Variants in BACH2 observed in about 807,000 individuals in gnomAD.
BACH2 encodes the protein transcription regulator protein BACH2.
Under a neutral mutation model 61.8 loss-of-function variants are expected in BACH2, and 5 were observed. The observed-to-expected ratio is 0.08, with a 90% CI of 0.04 to 0.17. The LOEUF is 0.17. Among genes scored for constraint, BACH2 ranks in the 10% least tolerant of loss-of-function variants. BACH2 has a pLI of 1.00. For missense variants in BACH2, 824 were observed against 1,091.1 expected, an observed-to-expected ratio of 0.76 and a Z score of 3.45; for synonymous variants, 446 against 440.1, an observed-to-expected ratio of 1.01 and a Z score of -0.17.
At chr6:89,992,217 T>C (rs1410570145) in intron 6 of BACH2, among the ~76,000 whole-genome samples, 1 of 152,242 alleles carries the variant, frequency 6.6e-6, no homozygotes, top group Non-Finnish European at 1.5e-5. Context: ...TATTTATAAA[T>C]CACACATATA....
intron 8 of BACH2, among the ~76,000 whole-genome samples, chr6:89,935,364 C>CT (rs1186964872): frequency 6.6e-6 from 1 of 152,178 alleles, no homozygotes; most frequent in African/African-American, 2.4e-5. Flanking sequence ...TGCTTGGGCG[C>CT]TGGGAGAGGA....
At chr6:89,958,332 T>C (rs1774540253) in intron 6 of BACH2, among the ~76,000 whole-genome samples, 1 of 152,188 alleles carries the variant, frequency 6.6e-6, no homozygotes. Context: ...CTGTGTACTA[T>C]GCAAGGTCTG....
At chr6:90,115,288 T>A (rs1447388573) in intron 4 of BACH2, among the ~76,000 whole-genome samples, 1 of 152,140 alleles carries the variant, frequency 6.6e-6, no homozygotes, top group East Asian at 1.9e-4. Context: ...AAGGCTATAG[T>A]GACCAAAACA....
At chr6:90,173,911 A>T (rs1316284761) in intron 4 of BACH2, among the ~76,000 whole-genome samples, 1 of 152,178 alleles carries the variant, frequency 6.6e-6, no homozygotes, top group Admixed American at 6.5e-5. Flanking sequence ...TGTGTCTTTG[A>T]ATAAAGGAGG....
At chr6:90,132,607 T>C (rs1350619619) in intron 4 of BACH2, among the ~76,000 whole-genome samples, 2 of 152,174 alleles carry the variant, frequency 1.3e-5, no homozygotes, top group Non-Finnish European at 2.9e-5. Context: ...TTTGTGCAGG[T>C]TCCTCCTCCC....
At chr6:90,253,215 A>G (rs1306092699) in intron 2 of BACH2, among the ~76,000 whole-genome samples, 2 of 152,094 alleles carry the variant, frequency 1.3e-5, no homozygotes, top group Non-Finnish European at 2.9e-5. Flanking sequence ...TTGTACTCCA[A>G]CCTGGATGAC....
chr6:90,076,000 C>G (rs1295342472), intron 5 of BACH2, among the ~76,000 whole-genome samples: 1 of 151,864 alleles, frequency 6.6e-6, no homozygotes, highest in Non-Finnish European at 1.5e-5. Flanking sequence ...ACAGATAAAC[C>G]CAAAAAGGCT....
intron 5 of BACH2, among the ~76,000 whole-genome samples, chr6:90,037,407 T>C (rs1169468707): frequency 6.6e-6 from 1 of 152,238 alleles, no homozygotes; most frequent in African/African-American, 2.4e-5. Context: ...TATAAAATCA[T>C]GAAGGAGGCT....
rs750705861 is a variant in BACH2, at chr6:89,932,596, G to A, written c.2338C>T (p.Pro780Ser). The A allele has an allele frequency of 1.9e-5, 31 of 1,614,058 alleles. 1 individual carries two copies. In the South Asian group the frequency reaches 3.4e-4, roughly 18 times the overall value. ...TCGGAGGTGTTGCTGGGTGCCCAGG[G>A]GGGTCCGGGGGGAGCCGCGCCTGGC... ...LEPGAAPPGPPWAPSNTSENC... is the reference protein window; with the variant it reads ...LEPGAAPPGPSWAPSNTSENC... The change falls in exon 9 of 9, where the codon CCC becomes TCC. Residue 780 changes from proline (P) to serine (S), a missense_variant. Pro to Ser is a moderately conservative substitution (Grantham distance 74, BLOSUM62 -1). This residue lies in a region of BACH2 where 135 missense variants were observed against 142.7 expected (regional missense o/e 0.95). Transcript: ENST00000257749.
intron 5 of BACH2, among the ~76,000 whole-genome samples, chr6:90,060,496 G>A (rs1215728837): frequency 6.6e-6 from 1 of 151,920 alleles, no homozygotes; most frequent in Non-Finnish European, 1.5e-5. Flanking sequence ...AGAAGTGCCT[G>A]GTGATTGTGA....
rs1318002707 is a variant in BACH2, at chr6:89,929,486, G to GTCAC, written c.*2918_*2921dup. The GTCAC allele has an allele frequency of 1.3e-5, 2 of 152,346 alleles. No individual in the cohort carries two copies. Among genetic ancestry groups the GTCAC allele is most frequent in the Non-Finnish European group, 2.9e-5 (2 of 68,040 alleles). The allele number at this position is 152,346 out of a possible 1,614,324, so 9.4% of individuals were successfully genotyped here. A position where few individuals can be genotyped will look rare whatever the true frequency, so the allele number is the denominator to read the frequency against. On this transcript the variant is annotated 3_prime_UTR_variant, in exon 9 of 9. Coordinates refer to ENST00000257749, the MANE Select transcript of BACH2 (RefSeq NM_021813.4). ...TCACATGAACAACTGCACGAAGCTAGTCACTGTTCATGGTGGATTATGAAT... is the reference window on the plus strand; with the variant it reads ...TCACATGAACAACTGCACGAAGCTAGTCACTCACTGTTCATGGTGGATTATGAAT...
Position 89,932,628 on chromosome 6 carries a change from C to T in BACH2, c.2306G>A (p.Cys769Tyr). Residue 769 changes from cysteine (C) to tyrosine (Y), a missense_variant, in exon 9 of 9, where the codon TGC becomes TAC. Cys to Tyr is a radical substitution (Grantham distance 194). Coordinates refer to ENST00000257749, the MANE Select transcript of BACH2 (RefSeq NM_021813.4). ...GGGGGGAGCCGCGCCTGGCTCCAAG[C>T]AGCAGGGCACGTTTTCCCCCACTGC... ...QCAVGENVPC[C>Y]LEPGAAPPGP... 6.2e-7 allele frequency: 1 copy of T among 1,614,096 alleles called. No individual in the cohort carries two copies. The highest frequency in any genetic ancestry group is 8.5e-7 in the Non-Finnish European group (1 of 1,180,000).
chr6:90,050,872 C>T (rs1412146900), intron 5 of BACH2, among the ~76,000 whole-genome samples: 2 of 151,532 alleles, frequency 1.3e-5, no homozygotes, highest in East Asian at 1.9e-4. Flanking sequence ...TGGGTTCAAG[C>T]GATTCTCTCC....
chr6:90,011,553 G>A (rs1179345088), intron 5 of BACH2, among the ~76,000 whole-genome samples: 1 of 152,108 alleles, frequency 6.6e-6, no homozygotes, highest in Non-Finnish European at 1.5e-5. Flanking sequence ...TTGTTTTGGA[G>A]ACAGGGTATC....
chr6:90,164,276 C>T (rs1486760078), intron 4 of BACH2, among the ~76,000 whole-genome samples: 1 of 152,198 alleles, frequency 6.6e-6, no homozygotes, highest in African/African-American at 2.4e-5. Context: ...TCAGAAAATA[C>T]TACAAACATC....
At chr6:90,236,029 G>A (rs1294219653) in intron 3 of BACH2, among the ~76,000 whole-genome samples, 1 of 152,232 alleles carries the variant, frequency 6.6e-6, no homozygotes, top group Non-Finnish European at 1.5e-5. Context: ...GCCCTTATGG[G>A]GGCCACCCAG....
intron 5 of BACH2, among the ~76,000 whole-genome samples, chr6:90,059,452 G>T (rs192367958): frequency 6.6e-6 from 1 of 152,054 alleles, no homozygotes; most frequent in Admixed American, 6.6e-5. Context: ...TTAGAATGGC[G>T]ATCATTAAAA....
chr6:90,049,362 G>A (rs1417950984), intron 5 of BACH2, among the ~76,000 whole-genome samples: 4 of 152,138 alleles, frequency 2.6e-5, no homozygotes, highest in African/African-American at 4.8e-5. Context: ...GGGTGACTAC[G>A]GATGACAGAC....
At chr6:90,102,551 G>A (rs1782683882) in intron 4 of BACH2, among the ~76,000 whole-genome samples, 1 of 152,084 alleles carries the variant, frequency 6.6e-6, no homozygotes, top group Admixed American at 6.5e-5. Context: ...CACTTTGGGA[G>A]GCCAAGGCTG....
Sources: gnomAD v4.1 joint callset for allele counts (sites outside exome capture counted in the v4.1 genomes callset) on GRCh38, gnomAD v4.1.1 for gene constraint, gnomAD v4.1.1 regional missense constraint, MANE v1.5 for transcripts, NCBI Gene and HGNC (gene_info 2026-07-23, HGNC 2026-07-21) for gene names.